Variants in ANKRD62 observed in about 807,000 individuals in gnomAD.
ANKRD62 encodes ankyrin repeat domain-containing protein 62.
Under a neutral mutation model 98.8 loss-of-function variants are expected in ANKRD62, and 61 were observed. That is an observed-to-expected ratio of 0.62 (90% CI 0.50 to 0.76). The LOEUF (loss-of-function observed/expected upper bound fraction) is 0.76. Among genes scored for constraint, ANKRD62 ranks in the 30% least tolerant of loss-of-function variants. The pLI is 0.00. For synonymous variants in ANKRD62, 341 were observed against 367.9 expected (o/e 0.93, Z 0.84); for missense variants, 933 against 1,082.9 (o/e 0.86, Z 1.94).
chr18:12,108,167 C>CT (rs550948002), intron 8 of ANKRD62, among the ~76,000 whole-genome samples: 32 of 152,286 alleles, frequency 2.1e-4, no homozygotes, highest in African/African-American at 7.7e-4. Flanking sequence ...AGTAAAGTAT[C>CT]TTTAAAGCAT....
chr18:12,096,665 T>C (rs1909189754), intron 4 of ANKRD62, among the ~76,000 whole-genome samples: 1 of 152,230 alleles, frequency 6.6e-6, no homozygotes, highest in South Asian at 2.1e-4. Flanking sequence ...AACTCTTTTA[T>C]AGTAGTTTCA....
chr18:12,167,245 C>T, the ANKRD62 span, among the ~76,000 whole-genome samples: 1 of 151,888 alleles, frequency 6.6e-6, no homozygotes, highest in African/African-American at 2.4e-5. Flanking sequence ...ATTAGCTCAT[C>T]ATTTACATTA....
chr18:12,127,681 A>C, intron 13 of ANKRD62, 67 bp from the exon 14 acceptor site: 1 of 1,218,452 alleles, frequency 8.2e-7, no homozygotes, highest in Non-Finnish European at 1.1e-6. Flanking sequence ...ATTAGAGTTA[A>C]ATATTATTAA....
intron 4 of ANKRD62, 45 bp from the exon 5 acceptor site, chr18:12,097,595 G>T: frequency 6.7e-7 from 1 of 1,497,340 alleles, no homozygotes; most frequent in East Asian, 2.5e-5. Context: ...TTTTAACATA[G>T]CTTTGCTAAA....
At chr18:12,159,853 A>G in the ANKRD62 span, among the ~76,000 whole-genome samples, 2 of 152,206 alleles carry the variant, frequency 1.3e-5, no homozygotes, top group Non-Finnish European at 2.9e-5. Context: ...GAAAATATAT[A>G]ACTGAATAAA....
intron 11 of ANKRD62, among the ~76,000 whole-genome samples, chr18:12,122,914 TAA>T (rs1162757135): frequency 6.6e-6 from 1 of 152,210 alleles, no homozygotes; most frequent in Admixed American, 6.5e-5. Context: ...AGGAGCTTTT[TAA>T]AAGAGATCGT....
At chr18:12,106,258 A>G (rs184222361) in intron 7 of ANKRD62, among the ~76,000 whole-genome samples, 7 of 152,326 alleles carry the variant, frequency 4.6e-5, no homozygotes, top group East Asian at 3.9e-4. Flanking sequence ...TTTAGCATGT[A>G]TAACTTTATT....
downstream of ANKRD62, among the ~76,000 whole-genome samples, chr18:12,130,318 G>A (rs1909984089): frequency 6.6e-6 from 1 of 151,932 alleles, no homozygotes; most frequent in South Asian, 2.1e-4. Flanking sequence ...TTATGTCTGA[G>A]AATAATTATT....
chr18:12,097,952 G>A (rs989760784), intron 5 of ANKRD62, among the ~76,000 whole-genome samples, 175 bp downstream of exon 5: 2 of 152,170 alleles, frequency 1.3e-5, no homozygotes, highest in African/African-American at 4.8e-5. Context: ...GTTAGAAGTA[G>A]CAATGAGTGT....
the ANKRD62 span, among the ~76,000 whole-genome samples, chr18:12,140,178 G>A: frequency 6.6e-6 from 1 of 152,140 alleles, no homozygotes; most frequent in Non-Finnish European, 1.5e-5. Flanking sequence ...TAGTTCTCGT[G>A]CCTTGGTTTT....
the ANKRD62 span, among the ~76,000 whole-genome samples, chr18:12,178,365 G>A: frequency 1.5e-4 from 22 of 147,770 alleles, no homozygotes; most frequent in African/African-American, 2.4e-4. Flanking sequence ...GCTGGTGACC[G>A]GGACCTCTGA....
chr18:12,094,070 G>C lies in ANKRD62; in HGVS notation c.53G>C (p.Trp18Ser), dbSNP rs1909109956. Reference protein sequence around the residue: ...LAACRRRMATWRKNRDKDGFS... With the variant: ...LAACRRRMATSRKNRDKDGFS... ...GCCTGCAGGAGACGCATGGCTACCT[G>C]GAGGAAGAATCGTGACAAGGATGGC... The change falls in exon 1 of 14, where the codon TGG becomes TCG. Residue 18 changes from tryptophan to serine, a missense_variant. Trp to Ser is a radical substitution (Grantham distance 177, BLOSUM62 -3). Coordinates refer to ENST00000587848, the MANE Select transcript of ANKRD62 (RefSeq NM_001277333.2). 6.5e-7 allele frequency: 1 copy of C among 1,535,110 alleles called. No individual in the cohort carries two copies.
At chr18:12,104,470 G>C (rs1269980673) in intron 7 of ANKRD62, among the ~76,000 whole-genome samples, 1 of 152,074 alleles carries the variant, frequency 6.6e-6, no homozygotes, top group Non-Finnish European at 1.5e-5. Context: ...AAGTGAACAA[G>C]TATTGTAATA....
rs563076948 is a variant in ANKRD62 at position 12,098,144 on chromosome 18, C to A, written c.752+367C>A. Among the ~76,000 whole-genome samples, 4 of 152,244 alleles carry A rather than the reference C, an allele frequency of 2.6e-5. No homozygotes were observed. The South Asian group carries it at 8.3e-4, about 32-fold the overall frequency. ...TGTTACCAGATTTTTTACCCCAAGC[C>A]CCTTTATATCTTATGTAGCAGCTTT... On this transcript the variant is annotated intron_variant, in intron 5 of 13. Coordinates refer to ENST00000587848, the MANE Select transcript of ANKRD62 (RefSeq NM_001277333.2).
intron 9 of ANKRD62, 46 bp from the exon 10 acceptor site, chr18:12,115,347 A>G (rs768657653): frequency 2.9e-4 from 428 of 1,483,008 alleles, no homozygotes; most frequent in Non-Finnish European, 3.6e-4. Context: ...AGTATATGCT[A>G]TAAATATTTC....
the ANKRD62 span, among the ~76,000 whole-genome samples, chr18:12,136,109 G>C: frequency 7.7e-4 from 117 of 152,042 alleles, 2 homozygotes; most frequent in Non-Finnish European, 2.4e-4. Flanking sequence ...TAGTCATGAA[G>C]TCCTTGCCCA....
chr18:12,173,616 T>A, the ANKRD62 span, among the ~76,000 whole-genome samples: 135 of 152,370 alleles, frequency 8.9e-4, no homozygotes, highest in African/African-American at 3.1e-3. Context: ...AGTGTGTTTT[T>A]GTAGTGGCTG....
chr18:12,168,487 G>T, the ANKRD62 span, among the ~76,000 whole-genome samples: 157 of 152,226 alleles, frequency 1.0e-3, no homozygotes, highest in African/African-American at 3.5e-3. Flanking sequence ...CTTTTCCATT[G>T]ATCTATATCT....
In ANKRD62 at chr18:12,125,601, G is replaced by A; in HGVS notation, c.1780G>A (p.Glu594Lys). The A allele has an allele frequency of 1.3e-6, 2 of 1,527,146 alleles. No individual in the cohort carries two copies. Among genetic ancestry groups the A allele is most frequent in the Non-Finnish European group, 1.7e-6 (2 of 1,144,188 alleles). 94.6% of individuals were successfully genotyped at this position (1,527,146 alleles called of 1,614,324 possible). A position where few individuals can be genotyped will look rare whatever the true frequency, so the allele number is the denominator to read the frequency against. Residue 594 changes from glutamate to lysine, a missense_variant, in exon 13 of 14, where the codon GAA becomes AAA. Glu to Lys is a moderately conservative substitution (Grantham distance 56). Coordinates refer to ENST00000587848, the MANE Select transcript of ANKRD62 (RefSeq NM_001277333.2). Reference protein sequence around the residue: ...ETENKYFKDIEIIKENNEDLE... With the variant: ...ETENKYFKDIKIIKENNEDLE... ...TGAAAATAAATATTTCAAAGATATT[G>A]AAATTATAAAGGAAAACAATGAAGA...
Sources: gnomAD v4.1 joint callset for allele counts (sites outside exome capture counted in the v4.1 genomes callset) on GRCh38, gnomAD v4.1.1 for gene constraint, MANE v1.5 for transcripts, NCBI Gene and HGNC (gene_info 2026-07-23, HGNC 2026-07-21) for gene names.